Variants in TRMT9B observed in about 807,000 individuals in gnomAD.
TRMT9B encodes the protein tRNA methyltransferase 9B (putative), also known as probable tRNA methyltransferase 9B.
Under a neutral mutation model 11.5 loss-of-function variants are expected in TRMT9B, and 16 were observed. The observed-to-expected ratio is 1.39, with a 90% CI of 0.94 to 2.11. The LOEUF (loss-of-function observed/expected upper bound fraction) is 2.11. Ranked by LOEUF, TRMT9B falls within the 30% of genes most tolerant of loss-of-function variation. The pLI is 0.00. For missense variants in TRMT9B, 941 were observed against 553.8 expected (o/e 1.70, Z -7.02); for synonymous variants, 274 against 192.4 (o/e 1.42, Z -3.51).
rs147479740 is a variant in TRMT9B, at chr8:12,982,288, C to G, written c.-199-8546C>G. Among the ~76,000 whole-genome samples, 440 of 152,314 alleles carry G rather than the reference C, an allele frequency of 2.9e-3. 2 individuals are homozygous for G. Among genetic ancestry groups the G allele is most frequent in the African/African-American group, 0.01 (424 of 41,560 alleles). ...TACTCACAAGAGGGATATGATGGAG[C>G]TGGAATCCACACCATGAGATCCTTG... On this transcript the variant is annotated intron_variant, in intron 1 of 4. Transcript: ENST00000524591.
At chr8:12,994,552 T>G (rs998523369) in intron 2 of TRMT9B, among the ~76,000 whole-genome samples, 1 of 152,218 alleles carries the variant, frequency 6.6e-6, no homozygotes, top group African/African-American at 2.4e-5. Context: ...ATGTTGGAAT[T>G]CTCAAGTTTG....
chr8:12,976,693 A>C (rs1804510385), intron 1 of TRMT9B, among the ~76,000 whole-genome samples: 1 of 152,216 alleles, frequency 6.6e-6, no homozygotes, highest in Non-Finnish European at 1.5e-5. Context: ...CCCGTTCACA[A>C]AGTGTCAGCA....
Position 12,973,591 on chromosome 8 carries a change from A to G in TRMT9B, c.-199-17243A>G, listed in dbSNP as rs181562881. On this transcript the variant is annotated intron_variant, in intron 1 of 4. Transcript: ENST00000524591. ...ATGTGGGCCACGAAAGACAGGTGGC[A>G]TTGGCTAGGATCTCATCTGGAGAGG... Among the ~76,000 whole-genome samples the G allele has an allele frequency of 1.3e-4, 20 of 152,332 alleles. 1 individual carries two copies. The East Asian group carries it at 3.9e-3, about 29-fold the overall frequency.
chr8:12,971,171 A>T (rs1803563044), intron 1 of TRMT9B, among the ~76,000 whole-genome samples: 1 of 152,060 alleles, frequency 6.6e-6, no homozygotes, highest in Non-Finnish European at 1.5e-5. Context: ...AGTTTTGTTA[A>T]CTGTCGTTTC....
At chr8:13,019,711 T>C (rs1483688078) in intron 4 of TRMT9B, among the ~76,000 whole-genome samples, 1 of 152,216 alleles carries the variant, frequency 6.6e-6, no homozygotes, top group African/African-American at 2.4e-5. Flanking sequence ...ACTCTACTTC[T>C]AGAAAGGTAT....
At chr8:12,972,569 T>G (rs1803799870) in intron 1 of TRMT9B, among the ~76,000 whole-genome samples, 1 of 152,164 alleles carries the variant, frequency 6.6e-6, no homozygotes, top group Non-Finnish European at 1.5e-5. Context: ...TCCCACCCTG[T>G]CCTTCCAGGC....
At chr8:12,989,511 T>C (rs75983165) in intron 1 of TRMT9B, among the ~76,000 whole-genome samples, 1,565 of 152,330 alleles carry the variant, frequency 0.01, 10 homozygotes, top group Non-Finnish European at 0.017. Context: ...CTCCTACTTC[T>C]ACACTAGCTA....
chr8:12,975,158 G>C (rs112111889), intron 1 of TRMT9B, among the ~76,000 whole-genome samples: 70 of 152,136 alleles, frequency 4.6e-4, no homozygotes, highest in Admixed American at 1.5e-3. Flanking sequence ...TGTACGGCTA[G>C]GAGGGTTTGT....
chr8:12,964,184 G>T (rs2128864600), intron 1 of TRMT9B, among the ~76,000 whole-genome samples: 1 of 152,208 alleles, frequency 6.6e-6, no homozygotes, highest in East Asian at 1.9e-4. Flanking sequence ...TTATTTTAAA[G>T]CTATTTTTCA....
chr8:12,979,427 TATC>T (rs1197135117), intron 1 of TRMT9B, among the ~76,000 whole-genome samples: 2 of 151,996 alleles, frequency 1.3e-5, no homozygotes, highest in East Asian at 3.9e-4. Flanking sequence ...AGTGAGCCAA[TATC>T]ATGCCACTGC....
chr8:12,950,227 A>G (rs4831851), intron 1 of TRMT9B, among the ~76,000 whole-genome samples: 20,655 of 152,168 alleles, frequency 0.14, 3,002 homozygotes, highest in African/African-American at 0.37. Context: ...AATGTCACCT[A>G]TAACTGATTT....
At chr8:12,994,765 TC>T (rs1808036308) in intron 2 of TRMT9B, among the ~76,000 whole-genome samples, 1 of 152,198 alleles carries the variant, frequency 6.6e-6, no homozygotes, top group Non-Finnish European at 1.5e-5. Context: ...CACTGCAACC[TC>T]CGCCTTTCGG....
intron 3 of TRMT9B, chr8:13,012,001 C>A (rs1033778206): frequency 6.1e-6 from 6 of 985,194 alleles, no homozygotes; most frequent in Non-Finnish European, 6.0e-6. Context: ...CCGAAACATG[C>A]GTATATACAA....
intron 1 of TRMT9B, among the ~76,000 whole-genome samples, chr8:12,990,264 T>C (rs1247121733): frequency 6.6e-6 from 1 of 152,176 alleles, no homozygotes; most frequent in African/African-American, 2.4e-5. Context: ...ATATCAGGCA[T>C]CTCTCGAGAT....
chr8:12,990,648 T>A (rs138616385), intron 1 of TRMT9B, among the ~76,000 whole-genome samples, 186 bp from the exon 2 acceptor site: 336 of 152,306 alleles, frequency 2.2e-3, no homozygotes, highest in African/African-American at 7.7e-3. Flanking sequence ...GCTTAGGAAT[T>A]GATTTATTGG....
intron 1 of TRMT9B, among the ~76,000 whole-genome samples, chr8:12,969,741 G>A (rs898942372): frequency 7.9e-5 from 12 of 151,380 alleles, no homozygotes; most frequent in Admixed American, 3.3e-4. Flanking sequence ...GTACAATCAC[G>A]GCTCATTGCA....
At chr8:13,018,507 G>A (rs887089472) in intron 4 of TRMT9B, among the ~76,000 whole-genome samples, 9 of 151,774 alleles carry the variant, frequency 5.9e-5, no homozygotes, top group Non-Finnish European at 1.2e-4. Flanking sequence ...AAATAGTCCC[G>A]TTTTAAAGGT....
chr8:12,966,542 T>A (rs1802849260), intron 1 of TRMT9B, among the ~76,000 whole-genome samples: 1 of 152,196 alleles, frequency 6.6e-6, no homozygotes, highest in African/African-American at 2.4e-5. Context: ...CATAAAAGCA[T>A]GTGTTGGAAA....
At chr8:12,959,964 G>A (rs1472504000) in intron 1 of TRMT9B, 1 of 152,220 alleles carries the variant, frequency 6.6e-6, no homozygotes, top group East Asian at 1.9e-4. Context: ...GGCTGTGGAA[G>A]TAGACACCTG....
Sources: allele counts gnomAD v4.1 joint callset (sites outside exome capture counted in the v4.1 genomes callset), GRCh38; gene constraint gnomAD v4.1.1; transcripts MANE v1.5; gene names NCBI Gene and HGNC (gene_info 2026-07-23, HGNC 2026-07-21).